Variants in ZNF804A observed in about 807,000 individuals in gnomAD.
The protein encoded by ZNF804A is zinc finger protein 804A.
Under a neutral mutation model 16.5 loss-of-function variants are expected in ZNF804A, and 2 were observed. The ratio of observed to expected loss-of-function variants is 0.12; its 90% CI spans 0.05 to 0.38. The LOEUF (loss-of-function observed/expected upper bound fraction) is 0.38, where lower values mean the gene tolerates loss of function less well. ZNF804A is among the 10% of genes least tolerant of loss of function. The pLI is 0.99. For missense variants in ZNF804A, 1,473 were observed against 1,390.7 expected (o/e 1.06, Z -0.94); for synonymous variants, 534 against 489.6 (o/e 1.09, Z -1.20).
intron 1 of ZNF804A, among the ~76,000 whole-genome samples, chr2:184,738,068 G>A (rs1693657813): frequency 6.6e-6 from 1 of 150,870 alleles, no homozygotes; most frequent in African/African-American, 2.4e-5. Context: ...GGAGGGTGCA[G>A]TGAGCCGAGA....
intron 2 of ZNF804A, among the ~76,000 whole-genome samples, chr2:184,927,440 G>T (rs967367381): frequency 6.6e-6 from 1 of 152,204 alleles, no homozygotes; most frequent in Non-Finnish European, 1.5e-5. Flanking sequence ...ATTGCACTGG[G>T]TCAGACCTGA....
intron 1 of ZNF804A, among the ~76,000 whole-genome samples, chr2:184,803,898 T>C (rs1268821735): frequency 6.6e-6 from 1 of 152,010 alleles, no homozygotes; most frequent in East Asian, 1.9e-4. Context: ...AGTCTCACTC[T>C]GTCACCCAGG....
chr2:184,687,717 A>G (rs1692659785), intron 1 of ZNF804A, among the ~76,000 whole-genome samples: 1 of 152,218 alleles, frequency 6.6e-6, no homozygotes, highest in South Asian at 2.1e-4. Flanking sequence ...TTCTTGTTGA[A>G]TGTAATTAGT....
intron 1 of ZNF804A, among the ~76,000 whole-genome samples, chr2:184,815,387 GA>G (rs768244707): frequency 6.6e-6 from 1 of 151,774 alleles, no homozygotes; most frequent in East Asian, 1.9e-4. Flanking sequence ...GACTTCATGA[GA>G]AAAAATAAAT....
chr2:184,916,092 T>C (rs1415855205), intron 2 of ZNF804A, among the ~76,000 whole-genome samples: 3 of 152,170 alleles, frequency 2.0e-5, no homozygotes, highest in Non-Finnish European at 4.4e-5. Flanking sequence ...AATTCTTTCA[T>C]GGTATTACTT....
intron 1 of ZNF804A, among the ~76,000 whole-genome samples, chr2:184,643,669 G>A (rs1393210044): frequency 6.6e-6 from 1 of 151,620 alleles, no homozygotes; most frequent in Admixed American, 6.6e-5. Context: ...TACTTATCTT[G>A]TAGAAAGTAA....
chr2:184,610,152 T>G (rs1390459543), intron 1 of ZNF804A, among the ~76,000 whole-genome samples: 7 of 152,212 alleles, frequency 4.6e-5, no homozygotes, highest in Non-Finnish European at 1.0e-4. Context: ...ACTTGCGATG[T>G]GATGCCCTGT....
chr2:184,648,907 T>A lies in ZNF804A; in HGVS notation c.111+49837T>A, dbSNP rs1574146454. On this transcript the variant is annotated intron_variant, in intron 1 of 3. Transcript: ENST00000302277. The stretch of plus-strand genomic sequence containing the variant: ...GCAGAAAATTAACAAATTCCGGACT[T>A]AAACTTGACACTTGACCAACTGAAC... Among the ~76,000 whole-genome samples the A allele has an allele frequency of 2.6e-5, 4 of 152,170 alleles. No individual in the cohort carries two copies. The Middle Eastern group carries it at 0.01, about 388-fold the overall frequency.
At chr2:184,662,932 G>A (rs969460315) in intron 1 of ZNF804A, among the ~76,000 whole-genome samples, 1 of 152,148 alleles carries the variant, frequency 6.6e-6, no homozygotes, top group African/African-American at 2.4e-5. Flanking sequence ...TAAGTATTTA[G>A]AATGCTTTCT....
intron 2 of ZNF804A, among the ~76,000 whole-genome samples, chr2:184,917,526 T>C (rs980368137): frequency 6.6e-6 from 1 of 152,118 alleles, no homozygotes; most frequent in African/African-American, 2.4e-5. Flanking sequence ...AACTGTGTTC[T>C]GAAAATAGAT....
chr2:184,762,736 GTTA>G (rs1378681470), intron 1 of ZNF804A, among the ~76,000 whole-genome samples: 1 of 151,914 alleles, frequency 6.6e-6, no homozygotes, highest in Non-Finnish European at 1.5e-5. Context: ...CAATAAAATA[GTTA>G]TTATTTGTCT....
intron 1 of ZNF804A, among the ~76,000 whole-genome samples, chr2:184,798,803 A>G (rs1241635554): frequency 1.3e-5 from 2 of 152,102 alleles, no homozygotes; most frequent in Non-Finnish European, 2.9e-5. Flanking sequence ...GGTGTTAAAA[A>G]GCCTTGTTTT....
chr2:184,777,092 G>A (rs1423743519), intron 1 of ZNF804A, among the ~76,000 whole-genome samples: 1 of 151,352 alleles, frequency 6.6e-6, no homozygotes, highest in African/African-American at 2.4e-5. Context: ...TTTGATGGTT[G>A]CCTCTGTCTT....
chr2:184,844,742 A>G (rs906059256), intron 1 of ZNF804A, among the ~76,000 whole-genome samples: 92 of 151,862 alleles, frequency 6.1e-4, no homozygotes, highest in African/African-American at 2.2e-3. Context: ...TCCTGGATCT[A>G]TGGTTTGGTA....
intron 2 of ZNF804A, among the ~76,000 whole-genome samples, chr2:184,912,410 A>G (rs1036803700): frequency 9.2e-5 from 14 of 152,042 alleles, no homozygotes; most frequent in Non-Finnish European, 1.8e-4. Flanking sequence ...TGTTATGGTC[A>G]TTTGTGTAAA....
Position 184,789,957 on chromosome 2 carries a change from C to A in ZNF804A, c.112-76412C>A, listed in dbSNP as rs149739398. ...GATTTTTCTATCTTTTTGACATAGA[C>A]ATTTAATGCTATAAATTTTCCTCTC... On this transcript the variant is annotated intron_variant, in intron 1 of 3. Transcript: ENST00000302277. 2.1e-3 allele frequency among the ~76,000 whole-genome samples: 325 copies of A among 152,092 alleles called. 1 individual carries two copies. Among genetic ancestry groups the A allele is most frequent in the Middle Eastern group, 6.8e-3 (2 of 294 alleles).
intron 1 of ZNF804A, among the ~76,000 whole-genome samples, chr2:184,836,013 C>T (rs1376438336): frequency 3.3e-5 from 5 of 152,062 alleles, no homozygotes; most frequent in Non-Finnish European, 5.9e-5. Context: ...GATTTAAATC[C>T]TAACTTTGCC....
intron 1 of ZNF804A, among the ~76,000 whole-genome samples, chr2:184,742,730 A>T (rs963252454): frequency 2.6e-5 from 4 of 151,548 alleles, no homozygotes; most frequent in African/African-American, 9.7e-5. Context: ...ATAGATAAAT[A>T]AATATATATA....
rs115689932 is a variant in ZNF804A at position 184,766,357 on chromosome 2, C to T, written c.112-100012C>T. Among the ~76,000 whole-genome samples, 1,002 of 152,054 alleles carry T rather than the reference C, an allele frequency of 6.6e-3. 15 individuals are homozygous for T. The highest frequency in any genetic ancestry group is 0.022 in the African/African-American group (932 of 41,522). On this transcript the variant is annotated intron_variant, in intron 1 of 3. Coordinates refer to ENST00000302277, the MANE Select transcript of ZNF804A (RefSeq NM_194250.2). ...TAGCATCATCACATCACATAAATAACAATTCTTTATTTGTAGAACTAAGCA... is the reference window on the plus strand; with the variant it reads ...TAGCATCATCACATCACATAAATAATAATTCTTTATTTGTAGAACTAAGCA...
Sources: allele counts gnomAD v4.1 joint callset (sites outside exome capture counted in the v4.1 genomes callset), GRCh38; gene constraint gnomAD v4.1.1; transcripts MANE v1.5; gene names NCBI Gene and HGNC (gene_info 2026-07-23, HGNC 2026-07-21).